The following GRID2 variants were observed in gnomAD, a reference collection of about 807,000 sequenced individuals.
The protein encoded by GRID2 is glutamate ionotropic receptor delta type subunit 2, also known as glutamate receptor ionotropic, delta-2.
GRID2 carries 33 observed loss-of-function variants against 114.8 expected under a neutral mutation model. That is an observed-to-expected ratio of 0.29 (90% CI 0.22 to 0.38). The LOEUF (loss-of-function observed/expected upper bound fraction) is 0.38. Ranked by LOEUF, GRID2 falls within the 10% of genes least tolerant of loss-of-function variation. The probability of loss-of-function intolerance (pLI) is 1.00; values close to 1 mark genes in which losing one functional copy is unlikely to be tolerated. For missense variants in GRID2, 1,184 were observed against 1,257.7 expected, an observed-to-expected ratio of 0.94 and a Z score of 0.89; for synonymous variants, 505 against 449.9, an observed-to-expected ratio of 1.12 and a Z score of -1.55.
rs34215461 is a variant in GRID2 at position 93,131,145 on chromosome 4, A to ATTTTTTTTTTTTTTTTTTTTTTTT, written c.735+20193_735+20216dup. On this transcript the variant is annotated intron_variant, in intron 4 of 15. Transcript: ENST00000282020. The stretch of plus-strand genomic sequence containing the variant: ...AGAACTTCCATGAAAAGATTAAATA[A>ATTTTTTTTTTTTTTTTTTTTTTTT]TTTTTTTTTTTTTTTTTTTTTTTTG... Among the ~76,000 whole-genome samples the ATTTTTTTTTTTTTTTTTTTTTTTT allele has an allele frequency of 3.3e-4, 29 of 88,752 alleles. 5 individuals carry two copies. Among genetic ancestry groups the ATTTTTTTTTTTTTTTTTTTTTTTT allele is most frequent in the African/African-American group, 1.0e-3 (20 of 19,070 alleles). 58.2% of individuals were successfully genotyped at this position (88,752 alleles called of 152,430 possible).
intron 5 of GRID2, 45 bp from the exon 6 acceptor site, chr4:93,216,693 G>T: frequency 1.6e-6 from 2 of 1,268,376 alleles, no homozygotes; most frequent in South Asian, 2.6e-5. Context: ...TGTGTTTTGT[G>T]ACTGTATTAA....
At chr4:93,090,067 T>C (rs1730647462) in intron 3 of GRID2, among the ~76,000 whole-genome samples, 2 of 152,258 alleles carry the variant, frequency 1.3e-5, no homozygotes, top group Admixed American at 6.6e-5. Context: ...AATAATGTAA[T>C]AGTCACATTC....
chr4:93,513,393 T>G (rs1578163286), intron 12 of GRID2, among the ~76,000 whole-genome samples: 1 of 152,312 alleles, frequency 6.6e-6, no homozygotes, highest in East Asian at 1.9e-4. Flanking sequence ...ATTGCTCTCT[T>G]GAAACAAAAT....
chr4:92,467,452 A>G (rs1721811101), intron 1 of GRID2, among the ~76,000 whole-genome samples: 1 of 152,026 alleles, frequency 6.6e-6, no homozygotes, highest in Non-Finnish European at 1.5e-5. Context: ...ATGTACTACT[A>G]CACACTAATA....
intron 6 of GRID2, among the ~76,000 whole-genome samples, chr4:93,222,391 AT>A (rs1222124957): frequency 5.9e-5 from 9 of 151,878 alleles, no homozygotes; most frequent in African/African-American, 1.9e-4. Flanking sequence ...ATATTGAGAA[AT>A]GTTAACTAGT....
intron 8 of GRID2, among the ~76,000 whole-genome samples, chr4:93,344,659 G>GTATATATTTAATATATTTACAA (rs1760017027): frequency 6.8e-6 from 1 of 147,804 alleles, no homozygotes; most frequent in Non-Finnish European, 1.5e-5. Context: ...TATATTTACA[G>GTATATATTTAATATATTTACAA]TATATTTTTA....
chr4:93,307,539 T>A (rs1755564690), intron 8 of GRID2, among the ~76,000 whole-genome samples: 1 of 152,184 alleles, frequency 6.6e-6, no homozygotes, highest in South Asian at 2.1e-4. Flanking sequence ...TGTCTATGAT[T>A]CTTCCCAGAC....
At chr4:93,520,530 A>G (rs1393548637) in intron 13 of GRID2, among the ~76,000 whole-genome samples, 2 of 152,170 alleles carry the variant, frequency 1.3e-5, no homozygotes, top group African/African-American at 4.8e-5. Context: ...TTCCTGAGGC[A>G]GAAGCTAGCT....
At chr4:93,589,042 ATTAT>A (rs1737844476) in intron 13 of GRID2, among the ~76,000 whole-genome samples, 4 of 147,124 alleles carry the variant, frequency 2.7e-5, no homozygotes, top group African/African-American at 7.4e-5. Flanking sequence ...TTTTTTTTTT[ATTAT>A]TTATTTATTT....
intron 1 of GRID2, among the ~76,000 whole-genome samples, chr4:92,580,413 T>C (rs1728125837): frequency 6.6e-6 from 1 of 151,902 alleles, no homozygotes; most frequent in Non-Finnish European, 1.5e-5. Flanking sequence ...ACCATTTTCC[T>C]ACCTGAAATA....
chr4:92,965,413 C>A (rs1197216674), intron 2 of GRID2, among the ~76,000 whole-genome samples: 4 of 114,608 alleles, frequency 3.5e-5, no homozygotes, highest in African/African-American at 1.3e-4. Context: ...TGCAAATAGA[C>A]TTGTTTGATA....
rs1275317482 is a variant in GRID2 at position 92,907,536 on chromosome 4, C to G, written c.245-177459C>G. Among the ~76,000 whole-genome samples the G allele has an allele frequency of 9.2e-5, 14 of 152,104 alleles. No homozygotes were observed. In the East Asian group the frequency reaches 1.4e-3, roughly 15 times the overall value. On this transcript the variant is annotated intron_variant, in intron 2 of 15. Transcript: ENST00000282020. ...AAGCAATTCTCCTGCCTCAGTCCCC[C>G]GAGTAGCTGGGATTACAGGCATGTG... is the stretch of plus-strand genomic sequence containing the variant.
intron 2 of GRID2, among the ~76,000 whole-genome samples, chr4:92,682,364 T>C (rs974305609): frequency 2.6e-5 from 4 of 152,208 alleles, no homozygotes; most frequent in African/African-American, 9.6e-5. Context: ...GCTCTCTGTA[T>C]GGTCCGTAGA....
chr4:92,898,520 A>C (rs1410147962), intron 2 of GRID2, among the ~76,000 whole-genome samples: 1 of 152,122 alleles, frequency 6.6e-6, no homozygotes, highest in Non-Finnish European at 1.5e-5. Flanking sequence ...TAAAACCCTG[A>C]GCTGTTAAAT....
intron 14 of GRID2, among the ~76,000 whole-genome samples, chr4:93,759,286 A>C (rs924681171): frequency 1.3e-5 from 2 of 152,172 alleles, no homozygotes; most frequent in Non-Finnish European, 2.9e-5. Context: ...CTTATGGTTG[A>C]AGGAGATGAC....
chr4:92,982,383 G>C (rs1229513446), intron 2 of GRID2, among the ~76,000 whole-genome samples: 1 of 152,016 alleles, frequency 6.6e-6, no homozygotes, highest in African/African-American at 2.4e-5. Flanking sequence ...GGTACGTTCA[G>C]ATTAATTTAT....
chr4:93,659,488 A>C (rs1293923090), intron 14 of GRID2, among the ~76,000 whole-genome samples: 2 of 152,222 alleles, frequency 1.3e-5, no homozygotes, highest in African/African-American at 4.8e-5. Context: ...GTTAAAATTC[A>C]ATTTGACAAA....
intron 2 of GRID2, among the ~76,000 whole-genome samples, chr4:92,702,983 C>T (rs1734756980): frequency 6.6e-6 from 1 of 152,116 alleles, no homozygotes; most frequent in Non-Finnish European, 1.5e-5. Flanking sequence ...AACTGACCTA[C>T]AACCATTAAG....
At chr4:92,873,055 A>G (rs112000536) in intron 2 of GRID2, among the ~76,000 whole-genome samples, 8 of 152,354 alleles carry the variant, frequency 5.3e-5, no homozygotes, top group African/African-American at 1.9e-4. Context: ...GTATTATAAT[A>G]GTATTGAGTA....
Sources: gnomAD v4.1 joint callset for allele counts (sites outside exome capture counted in the v4.1 genomes callset) on GRCh38, gnomAD v4.1.1 for gene constraint, MANE v1.5 for transcripts, NCBI Gene and HGNC (gene_info 2026-07-23, HGNC 2026-07-21) for gene names.